MED23: variants seen among roughly 807,000 people sequenced by gnomAD.
The protein encoded by MED23 is mediator of RNA polymerase II transcription subunit 23.
A neutral mutation model predicts 163.9 loss-of-function variants in MED23; 105 were observed. That is an observed-to-expected ratio of 0.64 (90% CI 0.55 to 0.75). MED23 has a LOEUF of 0.75. MED23 is among the 30% of genes least tolerant of loss of function. The pLI, the probability that MED23 is intolerant of heterozygous loss-of-function variation, is 0.00. For missense variants in MED23, 1,054 were observed against 1,649.0 expected (o/e 0.64, Z 6.25); for synonymous variants, 561 against 565.6 (o/e 0.99, Z 0.12).
chr6:131,625,015 T>C (rs767736946), intron 3 of MED23, 26 bp from the exon 4 acceptor site: 9 of 1,611,880 alleles, frequency 5.6e-6, no homozygotes, highest in African/African-American at 5.3e-5. Flanking sequence ...ATGATTTTAC[T>C]TGGGGTCTAA....
chr6:131,616,062 T>C (rs1776666422), intron 9 of MED23, 60 bp from the exon 10 acceptor site: 7 of 1,364,894 alleles, frequency 5.1e-6, no homozygotes, highest in Non-Finnish European at 5.2e-6. Context: ...ATCCAAATTA[T>C]TAGAAATGAG....
At chr6:131,617,866 G>A (rs1776806294) in intron 9 of MED23, among the ~76,000 whole-genome samples, 1 of 152,014 alleles carries the variant, frequency 6.6e-6, no homozygotes, top group Non-Finnish European at 1.5e-5. Flanking sequence ...GTCCCTTTAG[G>A]GTTAAACTCA....
At chr6:131,614,638 GA>G (rs1168387478) in intron 10 of MED23, among the ~76,000 whole-genome samples, 2 of 152,138 alleles carry the variant, frequency 1.3e-5, no homozygotes, top group African/African-American at 4.8e-5. Context: ...ACTCTAGGAG[GA>G]AGGCACTTCT....
chr6:131,590,816 A>G (rs1357405758), intron 26 of MED23, among the ~76,000 whole-genome samples: 1 of 151,904 alleles, frequency 6.6e-6, no homozygotes, highest in African/African-American at 2.4e-5. Context: ...ACGGGGTTTC[A>G]CCATGTTGGC....
At chr6:131,579,693 A>G (rs1773816453) in intron 30 of MED23, 1 of 159,770 alleles carries the variant, frequency 6.3e-6, no homozygotes, top group South Asian at 1.7e-4. Flanking sequence ...CATTTTTGAA[A>G]GCATCAGACA....
chr6:131,606,470 A>G lies in MED23; in HGVS notation c.1367+9T>C. The stretch of plus-strand genomic sequence containing the variant: ...AAGAAAATTAAGTATCAAGCAACAA[A>G]TAACTTACTCATGGTGAAGTCTTAG... On this transcript the variant is annotated intron_variant, in intron 13 of 28. Coordinates refer to ENST00000368068, the MANE Select transcript of MED23 (RefSeq NM_004830.4). The G allele has an allele frequency of 6.2e-7, 1 of 1,612,272 alleles. No homozygotes were observed. Among genetic ancestry groups the G allele is most frequent in the Non-Finnish European group, 8.5e-7 (1 of 1,178,694 alleles).
At chr6:131,584,602 C>T (rs1215837714), downstream of MED23, among the ~76,000 whole-genome samples, 1 of 152,024 alleles carries the variant, frequency 6.6e-6, no homozygotes, top group Non-Finnish European at 1.5e-5. Context: ...GGCTAGATGT[C>T]CATGTTTTAC....
At chr6:131,615,082 A>G (rs1234178284) in intron 10 of MED23, among the ~76,000 whole-genome samples, 251 of 149,082 alleles carry the variant, frequency 1.7e-3, no homozygotes, top group African/African-American at 5.8e-3. Flanking sequence ...AAAAAAAAAA[A>G]AAAGAAAAAA....
intron 25 of MED23, chr6:131,592,025 C>G (rs1457962568): frequency 7.8e-6 from 2 of 254,908 alleles, no homozygotes; most frequent in East Asian, 2.0e-4. Context: ...TCAGAAGTAC[C>G]TAAAACATGT....
intron 16 of MED23, 87 bp downstream of exon 16, chr6:131,602,943 T>A: frequency 7.6e-7 from 1 of 1,313,526 alleles, no homozygotes; most frequent in Non-Finnish European, 1.1e-6. Flanking sequence ...AAAAAAAAAC[T>A]ATAAGGTAAA....
In MED23 at chr6:131,596,503, A is replaced by G; in HGVS notation, c.2778+15T>C. The G allele has an allele frequency of 6.2e-7, 1 of 1,613,810 alleles. No individual in the cohort carries two copies. Among genetic ancestry groups the G allele is most frequent in the Non-Finnish European group, 8.5e-7 (1 of 1,179,708 alleles). ...CTTTAAAAGGACTATTTGAAATACC[A>G]ATTAGGACTAGTACCTTGTGATAAT... On this transcript the variant is annotated intron_variant, in intron 21 of 28. Transcript: ENST00000368068.
chr6:131,582,250 C>T (rs975408807), downstream of MED23, among the ~76,000 whole-genome samples: 6 of 152,148 alleles, frequency 3.9e-5, no homozygotes, highest in Non-Finnish European at 8.8e-5. Context: ...AACCAAAGGA[C>T]AGGCCACAAA....
At position 131,604,172 on chromosome 6, in the gene MED23, T is replaced by C. The variant is rs769446258; in HGVS notation, c.1756+6A>G. 9 of 1,613,232 alleles carry C rather than the reference T, an allele frequency of 5.6e-6. No homozygotes were observed. The highest frequency in any genetic ancestry group is 7.6e-6 in the Non-Finnish European group (9 of 1,179,414). On this transcript the variant is annotated splice_donor_region_variant and intron_variant, in intron 15 of 28. Coordinates refer to ENST00000368068, the MANE Select transcript of MED23 (RefSeq NM_004830.4). Reference sequence around the variant, plus strand: ...TAGTTATAAACACCAGAAAGTCCTGTCTTACTGATAAATCCTTTGATGCCC... The same window carrying C: ...TAGTTATAAACACCAGAAAGTCCTGCCTTACTGATAAATCCTTTGATGCCC...
At chr6:131,597,247 C>T (rs994389110) in intron 20 of MED23, among the ~76,000 whole-genome samples, 4 of 151,788 alleles carry the variant, frequency 2.6e-5, no homozygotes, top group South Asian at 2.1e-4. Context: ...GAGGCCGAGG[C>T]GGGCAGAACA....
intron 11 of MED23, 120 bp from the exon 12 acceptor site, chr6:131,608,191 G>A: frequency 4.6e-6 from 5 of 1,089,784 alleles, no homozygotes; most frequent in Non-Finnish European, 6.8e-6. Flanking sequence ...CTCTGAGAAA[G>A]TCAGCATCTA....
intron 11 of MED23, among the ~76,000 whole-genome samples, chr6:131,608,569 T>C (rs1209152799): frequency 2.6e-5 from 4 of 152,108 alleles, no homozygotes; most frequent in Non-Finnish European, 5.9e-5. Context: ...TATTTATATG[T>C]ATCTTTTTAG....
intron 30 of MED23, among the ~76,000 whole-genome samples, chr6:131,574,527 T>C (rs1292132780): frequency 6.6e-6 from 1 of 152,202 alleles, no homozygotes; most frequent in Non-Finnish European, 1.5e-5. Flanking sequence ...GCAAGTGTCC[T>C]CCTTCTACCA....
intron 14 of MED23, among the ~76,000 whole-genome samples, chr6:131,604,974 C>T (rs1007379485): frequency 2.6e-5 from 4 of 151,980 alleles, no homozygotes; most frequent in Admixed American, 6.6e-5. Flanking sequence ...TCTTAACTAT[C>T]TATAAAAAAT....
At chr6:131,574,408 A>C (rs548553326) in intron 30 of MED23, 1 of 1,226,314 alleles carries the variant, frequency 8.2e-7, no homozygotes, top group East Asian at 2.3e-5. Flanking sequence ...TCCCAAACAC[A>C]GGGACATTTT....
Sources: allele counts gnomAD v4.1 joint callset (sites outside exome capture counted in the v4.1 genomes callset), GRCh38; gene constraint gnomAD v4.1.1; transcripts MANE v1.5; gene names NCBI Gene and HGNC (gene_info 2026-07-23, HGNC 2026-07-21).